PHLPP1: variants seen among roughly 807,000 people sequenced by gnomAD.
The protein encoded by PHLPP1 is PH domain leucine-rich repeat-containing protein phosphatase 1.
PHLPP1 carries 42 observed loss-of-function variants against 117.2 expected under a neutral mutation model. The ratio of observed to expected loss-of-function variants is 0.36; its 90% CI spans 0.28 to 0.46. The LOEUF (loss-of-function observed/expected upper bound fraction) is 0.46. Ranked by LOEUF, PHLPP1 falls within the 20% of genes least tolerant of loss-of-function variation. The pLI is 1.00. For missense variants in PHLPP1, 2,084 were observed against 2,241.9 expected, an observed-to-expected ratio of 0.93 and a Z score of 1.42; for synonymous variants, 1,042 against 970.7, an observed-to-expected ratio of 1.07 and a Z score of -1.37.
At chr18:62,903,270 A>G (rs1219191593) in intron 7 of PHLPP1, 104 bp downstream of exon 7, 1 of 779,472 alleles carries the variant, frequency 1.3e-6, no homozygotes, top group African/African-American at 1.7e-5. Context: ...AGTTAGTAAA[A>G]TAGCTCAAAT....
chr18:62,896,331 G>A (rs1249791484), intron 6 of PHLPP1, among the ~76,000 whole-genome samples: 2 of 141,484 alleles, frequency 1.4e-5, no homozygotes, highest in Admixed American at 7.5e-5. Context: ...TCGCTCTGTC[G>A]CCCAGGCTGG....
At chr18:62,791,271 T>C (rs895359308) in intron 1 of PHLPP1, among the ~76,000 whole-genome samples, 1 of 152,140 alleles carries the variant, frequency 6.6e-6, no homozygotes, top group Non-Finnish European at 1.5e-5. Context: ...TGAGACTTGC[T>C]CATCTGCTTG....
At chr18:62,826,327 T>C (rs568825982) in intron 1 of PHLPP1, 5 of 368,680 alleles carry the variant, frequency 1.4e-5, no homozygotes, top group East Asian at 7.5e-5. Flanking sequence ...GAATGACTTA[T>C]TTTATTATTT....
Position 62,895,020 on chromosome 18 carries a change from G to T in PHLPP1, c.2076G>T (p.Lys692Asn), listed in dbSNP as rs762905476. 1.2e-6 allele frequency: 2 copies of T among 1,606,842 alleles called. No homozygotes were observed. The highest frequency in any genetic ancestry group is 1.7e-6 in the Non-Finnish European group (2 of 1,175,828). ...TGCTTTATTGTAATAGGTTCACCAA[G>T]TTGAAGAGTCTTAACCTTTCCAATA... is the stretch of plus-strand genomic sequence containing the variant. ...RGLNELQRFT[K>N]LKSLNLSNNH... is the part of the protein sequence containing the mutation. The change falls in exon 5 of 17, where the codon AAG becomes AAT. Residue 692 changes from lysine to asparagine, a missense_variant. By Grantham distance (94) the Lys-to-Asn change is moderately conservative. Coordinates refer to ENST00000262719, the MANE Select transcript of PHLPP1 (RefSeq NM_194449.4).
intron 1 of PHLPP1, chr18:62,824,181 C>T: frequency 2.2e-6 from 1 of 455,888 alleles, no homozygotes; most frequent in South Asian, 1.5e-5. Context: ...CGGGAACTCT[C>T]TGCACTGGTG....
chr18:62,869,682 A>G (rs1431473005), intron 4 of PHLPP1, among the ~76,000 whole-genome samples: 3 of 152,234 alleles, frequency 2.0e-5, no homozygotes, highest in Non-Finnish European at 4.4e-5. Context: ...TGTACTTTGT[A>G]CTGTGTAATA....
At chr18:62,974,058 A>T (rs886730814) in intron 15 of PHLPP1, among the ~76,000 whole-genome samples, 1 of 152,190 alleles carries the variant, frequency 6.6e-6, no homozygotes, top group African/African-American at 2.4e-5. Flanking sequence ...CAGCACAAAC[A>T]CATCCCTTCA....
At chr18:62,752,770 A>G (rs1911899583) in intron 1 of PHLPP1, among the ~76,000 whole-genome samples, 1 of 152,192 alleles carries the variant, frequency 6.6e-6, no homozygotes, top group South Asian at 2.1e-4. Flanking sequence ...ATCTTTTTCA[A>G]AACTTTTGGG....
At chr18:62,899,099 C>T (rs1916650789) in intron 6 of PHLPP1, among the ~76,000 whole-genome samples, 1 of 152,136 alleles carries the variant, frequency 6.6e-6, no homozygotes, top group Non-Finnish European at 1.5e-5. Flanking sequence ...TGCGCCTGGC[C>T]TCAACTAATT....
At chr18:62,858,641 T>C (rs1915557397) in intron 3 of PHLPP1, among the ~76,000 whole-genome samples, 1 of 152,064 alleles carries the variant, frequency 6.6e-6, no homozygotes, top group African/African-American at 2.4e-5. Context: ...GGATATAAAA[T>C]GTGAATGAAG....
At chr18:62,868,629 A>C (rs1915825807) in intron 4 of PHLPP1, among the ~76,000 whole-genome samples, 1 of 152,026 alleles carries the variant, frequency 6.6e-6, no homozygotes, top group Non-Finnish European at 1.5e-5. Context: ...CTCAAAAAAA[A>C]AAAAAAAAAA....
chr18:62,819,342 G>A (rs1189121583), intron 1 of PHLPP1, among the ~76,000 whole-genome samples: 3 of 152,162 alleles, frequency 2.0e-5, no homozygotes, highest in East Asian at 1.9e-4. Flanking sequence ...TGTTCAAAAT[G>A]TATATAATGA....
chr18:62,842,955 G>A (rs529272103), intron 3 of PHLPP1: 1 of 152,302 alleles, frequency 6.6e-6, no homozygotes, highest in Admixed American at 6.5e-5. Context: ...GAGTAGACTA[G>A]AATCTCGCTC....
chr18:62,876,219 T>C (rs77134443), intron 4 of PHLPP1, among the ~76,000 whole-genome samples: 6,656 of 152,174 alleles, frequency 0.044, 160 homozygotes, highest in Middle Eastern at 0.079. Flanking sequence ...GAAACTGGAC[T>C]TCTAAAAAAA....
chr18:62,930,753 G>A (rs1909783443), intron 10 of PHLPP1, among the ~76,000 whole-genome samples: 1 of 152,126 alleles, frequency 6.6e-6, no homozygotes, highest in African/African-American at 2.4e-5. Context: ...TCTTATCTAT[G>A]CACAGAACAT....
intron 1 of PHLPP1, among the ~76,000 whole-genome samples, chr18:62,815,208 A>G (rs974456147): frequency 7.2e-6 from 1 of 139,360 alleles, no homozygotes; most frequent in African/African-American, 2.7e-5. Flanking sequence ...CCCAGGCTGG[A>G]GTGCAGTGGC....
intron 4 of PHLPP1, among the ~76,000 whole-genome samples, chr18:62,884,756 C>T (rs1916246650): frequency 6.6e-6 from 1 of 152,214 alleles, no homozygotes; most frequent in South Asian, 2.1e-4. Context: ...GTGAATAATA[C>T]TGATTTCTCT....
chr18:62,776,112 T>G (rs1052618804), intron 1 of PHLPP1, among the ~76,000 whole-genome samples: 3 of 152,132 alleles, frequency 2.0e-5, no homozygotes, highest in African/African-American at 7.2e-5. Context: ...ATTGGCTTGC[T>G]TATGGGAACT....
At chr18:62,810,763 A>G (rs1914090509) in intron 1 of PHLPP1, among the ~76,000 whole-genome samples, 1 of 152,212 alleles carries the variant, frequency 6.6e-6, no homozygotes, top group African/African-American at 2.4e-5. Context: ...AATACGTTAA[A>G]GCAATACTGA....
Sources: allele counts gnomAD v4.1 joint callset (sites outside exome capture counted in the v4.1 genomes callset), GRCh38; gene constraint gnomAD v4.1.1; transcripts MANE v1.5; gene names NCBI Gene and HGNC (gene_info 2026-07-23, HGNC 2026-07-21).